Variants in PCDHGB2 observed in about 807,000 individuals in gnomAD.
PCDHGB2 encodes the protein protocadherin gamma-B2.
Under a neutral mutation model 59.3 loss-of-function variants are expected in PCDHGB2, and 55 were observed. The observed-to-expected ratio is 0.93, with a 90% CI of 0.75 to 1.16. The LOEUF is 1.16. PCDHGB2 is among the 50% of genes most tolerant of loss of function. The probability of loss-of-function intolerance (pLI) is 0.00; values close to 1 mark genes in which losing one functional copy is unlikely to be tolerated. For missense variants in PCDHGB2, 1,228 were observed against 1,198.5 expected (o/e 1.02, Z -0.36); for synonymous variants, 516 against 512.0 (o/e 1.01, Z -0.11).
At chr5:141,462,651 CA>C (rs60282352) in intron 1 of PCDHGB2, among the ~76,000 whole-genome samples, 42,411 of 152,004 alleles carry the variant, frequency 0.28, 6,634 homozygotes, top group African/African-American at 0.43. Flanking sequence ...TTTCCATCCT[CA>C]ATTATCTTCA....
chr5:141,490,933 C>T lies in PCDHGB2; in HGVS notation c.2422-3874C>T, dbSNP rs781291690. ...CGAGAATGATAATGCCCCAGCTGTG[C>T]TGCACCCACGGCCAGACTGGGAACA... On this transcript the variant is annotated intron_variant, in intron 1 of 3. Transcript: ENST00000522605. The surrounding 1 kb of genome is among the most constrained non-coding windows in gnomAD (Gnocchi z 5.4). 5.0e-6 allele frequency: 8 copies of T among 1,613,702 alleles called. No individual in the cohort carries two copies. The highest frequency in any genetic ancestry group is 5.9e-6 in the Non-Finnish European group (7 of 1,179,770).
At chr5:141,371,610 A>C in intron 1 of PCDHGB2, 1 of 1,614,006 alleles carries the variant, frequency 6.2e-7, no homozygotes, top group Non-Finnish European at 8.5e-7. Context: ...CAGGTTGGTG[A>C]CAGATGGAGC....
chr5:141,404,210 A>G (rs927879028), intron 1 of PCDHGB2: 11 of 1,613,840 alleles, frequency 6.8e-6, no homozygotes, highest in Non-Finnish European at 9.3e-6. Context: ...AGAATATAAT[A>G]TCACGGTGAC....
At chr5:141,414,183 A>C in intron 1 of PCDHGB2, 1 of 1,609,508 alleles carries the variant, frequency 6.2e-7, no homozygotes, top group Non-Finnish European at 8.5e-7. Flanking sequence ...CAACTGCAAA[A>C]GTGTTGATTA....
At chr5:141,467,932 TA>T (rs1391978978) in intron 1 of PCDHGB2, among the ~76,000 whole-genome samples, 4 of 152,186 alleles carry the variant, frequency 2.6e-5, no homozygotes, top group Non-Finnish European at 4.4e-5. Flanking sequence ...ATGCTAGGAT[TA>T]CAAGCATGAG....
intron 1 of PCDHGB2, among the ~76,000 whole-genome samples, chr5:141,484,685 T>G (rs2099599013): frequency 6.6e-6 from 1 of 151,934 alleles, no homozygotes; most frequent in Non-Finnish European, 1.5e-5. Flanking sequence ...TTGCTAGGGC[T>G]CAGGCTGTGG....
At chr5:141,484,437 T>C (rs2099596528) in intron 1 of PCDHGB2, among the ~76,000 whole-genome samples, 1 of 152,232 alleles carries the variant, frequency 6.6e-6, no homozygotes, top group African/African-American at 2.4e-5. Context: ...ATGTACTGCA[T>C]AAATTTAATT....
Position 141,362,011 on chromosome 5 carries a change from G to A in PCDHGB2, c.1876G>A (p.Val626Met), listed in dbSNP as rs1294882056. 4.4e-6 allele frequency: 7 copies of A among 1,606,172 alleles called. No homozygotes were observed. The highest frequency in any genetic ancestry group is 1.3e-5 in the African/African-American group (1 of 74,864). The change falls in exon 1 of 4, where the codon GTG (valine) becomes ATG (methionine). Residue 626 changes from valine (V) to methionine (M), a missense_variant. By Grantham distance (21) the Val-to-Met change is conservative. Coordinates refer to ENST00000522605, the MANE Select transcript of PCDHGB2 (RefSeq NM_018923.3). Reference protein sequence around the residue: ...LFSLGLRTGEVRTARALGDRD... With the variant: ...LFSLGLRTGEMRTARALGDRD... ...CAGCCTGGGGTTGCGCACGGGTGAG[G>A]TGCGCACAGCGCGTGCCTTGGGCGA...
At chr5:141,393,624 G>A (rs1190793808) in intron 1 of PCDHGB2, 1 of 1,613,972 alleles carries the variant, frequency 6.2e-7, no homozygotes, top group Non-Finnish European at 8.5e-7. Flanking sequence ...CGACCCGGAT[G>A]AGGGAATCAA....
intron 1 of PCDHGB2, chr5:141,398,970 C>G (rs1320199481): frequency 6.2e-7 from 1 of 1,613,958 alleles, no homozygotes; most frequent in South Asian, 1.1e-5. Flanking sequence ...CTTATTCCTT[C>G]TACAGAACCG....
chr5:141,451,408 T>C (rs1244686397), intron 1 of PCDHGB2, among the ~76,000 whole-genome samples: 1 of 152,204 alleles, frequency 6.6e-6, no homozygotes, highest in Non-Finnish European at 1.5e-5. Flanking sequence ...ATTAAGTTCC[T>C]TGTGGATTGT....
At chr5:141,374,130 T>TCG (rs767453830) in intron 1 of PCDHGB2, 3 of 1,604,204 alleles carry the variant, frequency 1.9e-6, no homozygotes, top group Non-Finnish European at 2.6e-6. Flanking sequence ...CAGGTCCTGC[T>TCG]CCTCACGCTC....
At chr5:141,374,153 TG>T in intron 1 of PCDHGB2, 1 of 1,612,060 alleles carries the variant, frequency 6.2e-7, no homozygotes, top group African/African-American at 1.3e-5. Context: ...GGGGACGCTG[TG>T]GGGGGCCGCG....
chr5:141,424,391 C>T (rs2096818270), intron 1 of PCDHGB2: 1 of 152,106 alleles, frequency 6.6e-6, no homozygotes, highest in South Asian at 2.1e-4. Flanking sequence ...GATGTCTTTT[C>T]CATTACTATG....
intron 1 of PCDHGB2, among the ~76,000 whole-genome samples, chr5:141,453,670 G>A (rs191035462): frequency 2.5e-4 from 38 of 152,224 alleles, no homozygotes; most frequent in Middle Eastern, 6.8e-3. Context: ...TACACAAAAG[G>A]TAACACACTA....
At chr5:141,449,021 C>T (rs897401758) in intron 1 of PCDHGB2, among the ~76,000 whole-genome samples, 3 of 152,104 alleles carry the variant, frequency 2.0e-5, no homozygotes, top group Non-Finnish European at 4.4e-5. Context: ...AGTTGCTTAG[C>T]ATTCCTTTGG....
chr5:141,510,420 G>T (rs1275392355), intron 3 of PCDHGB2, among the ~76,000 whole-genome samples: 3 of 152,126 alleles, frequency 2.0e-5, no homozygotes, highest in African/African-American at 7.2e-5. Flanking sequence ...TAAAGCCATG[G>T]TTTCATGGCT....
Position 141,432,647 on chromosome 5 carries a change from C to G in PCDHGB2, c.2422-62160C>G, listed in dbSNP as rs747789886. The G allele has an allele frequency of 1.7e-5, 28 of 1,613,678 alleles. No individual in the cohort carries two copies. In the Admixed American group the frequency reaches 4.5e-4, roughly 26 times the overall value. ...GCACACGGGCGAGGTGCGCACGGCG[C>G]GAGCCCTGCTGGACAGAGACGCGCT... On this transcript the variant is annotated intron_variant, in intron 1 of 3. Coordinates refer to ENST00000522605, the MANE Select transcript of PCDHGB2 (RefSeq NM_018923.3). This position sits in a 1 kb window ranked among gnomAD's most constrained non-coding sequence, Gnocchi z 6.0.
At position 141,389,423 on chromosome 5, in the gene PCDHGB2, C is replaced by G. The variant is rs779826135; in HGVS notation, c.2421+26867C>G. 11 of 1,613,516 alleles carry G rather than the reference C, an allele frequency of 6.8e-6. No individual in the cohort carries two copies. The highest frequency in any genetic ancestry group is 9.3e-6 in the Non-Finnish European group (11 of 1,179,902). ...TAAGCGCGGAGAGCGGGGTGGTGTT[C>G]GCGCAGCGCGCCTTCGACCACGAGC... On this transcript the variant is annotated intron_variant, in intron 1 of 3. Coordinates refer to ENST00000522605, the MANE Select transcript of PCDHGB2 (RefSeq NM_018923.3).
Sources: gnomAD v4.1 joint callset for allele counts (sites outside exome capture counted in the v4.1 genomes callset) on GRCh38, gnomAD v4.1.1 for gene constraint, Gnocchi (gnomAD v3.1) non-coding constraint, MANE v1.5 for transcripts, NCBI Gene and HGNC (gene_info 2026-07-23, HGNC 2026-07-21) for gene names.